Variants in BBOX1 observed in about 807,000 individuals in gnomAD.
BBOX1 encodes gamma-butyrobetaine hydroxylase 1.
Under a neutral mutation model 41.6 loss-of-function variants are expected in BBOX1, and 35 were observed. That is an observed-to-expected ratio of 0.84 (90% CI 0.64 to 1.11). The LOEUF is 1.11. Ranked by LOEUF, BBOX1 falls within the 50% of genes most tolerant of loss-of-function variation. BBOX1 has a pLI of 0.00. For missense variants in BBOX1, 458 were observed against 460.6 expected (o/e 0.99, Z 0.05); for synonymous variants, 163 against 154.7 (o/e 1.05, Z -0.40).
At chr11:27,114,161 A>G (rs1346957831) in intron 5 of BBOX1, among the ~76,000 whole-genome samples, 3 of 151,908 alleles carry the variant, frequency 2.0e-5, no homozygotes, top group Non-Finnish European at 2.9e-5. Flanking sequence ...CAGCATCCAG[A>G]AGAATAAAAT....
chr11:27,126,892 T>G (rs879637934), intron 8 of BBOX1, among the ~76,000 whole-genome samples: 1 of 152,044 alleles, frequency 6.6e-6, no homozygotes, highest in Non-Finnish European at 1.5e-5. Flanking sequence ...GCCAGGATGG[T>G]CTAGATCTGC....
chr11:27,124,697 CT>C (rs968408920), intron 7 of BBOX1, among the ~76,000 whole-genome samples: 4 of 152,010 alleles, frequency 2.6e-5, no homozygotes, highest in African/African-American at 9.7e-5. Flanking sequence ...TTTTTCTGTA[CT>C]TTTAATAGAG....
rs1554935077 is a variant in BBOX1, at chr11:27,054,234, T to TGC, written c.-38-1157_-38-1156dup. ...GTGTGTGTGTGTGTGTGTGTGTGTG[T>TGC]GCGTGCACATGTGTACATGCATTCC... On this transcript the variant is annotated intron_variant, in intron 2 of 8. Coordinates refer to ENST00000263182, the MANE Select transcript of BBOX1 (RefSeq NM_003986.3). 6.2e-4 allele frequency among the ~76,000 whole-genome samples: 92 copies of TGC among 148,302 alleles called. No individual in the cohort carries two copies. In the South Asian group the frequency reaches 8.1e-3, roughly 13 times the overall value.
At chr11:27,071,975 G>A (rs904853282) in intron 4 of BBOX1, among the ~76,000 whole-genome samples, 4 of 151,628 alleles carry the variant, frequency 2.6e-5, no homozygotes, top group Admixed American at 2.0e-4. Context: ...TACTGAATGG[G>A]CAAAAACTGG....
chr11:27,044,591 A>C (rs142010028), intron 2 of BBOX1, among the ~76,000 whole-genome samples: 27,164 of 152,080 alleles, frequency 0.18, 2,599 homozygotes, highest in Middle Eastern at 0.25. Context: ...TCTTTAATCC[A>C]TCTTTAGTTA....
At chr11:27,108,296 T>C (rs1174774703) in intron 5 of BBOX1, among the ~76,000 whole-genome samples, 1 of 152,100 alleles carries the variant, frequency 6.6e-6, no homozygotes, top group Non-Finnish European at 1.5e-5. Flanking sequence ...CAGTTTACCC[T>C]TGATCATAGA....
intron 8 of BBOX1, among the ~76,000 whole-genome samples, 170 bp downstream of exon 8, chr11:27,125,990 A>C (rs1859637368): frequency 6.6e-6 from 1 of 152,156 alleles, no homozygotes; most frequent in African/African-American, 2.4e-5. Context: ...GCCCTCATTG[A>C]GGTTTATGCT....
chr11:27,090,405 G>C (rs1359311798), intron 4 of BBOX1, among the ~76,000 whole-genome samples: 3 of 151,816 alleles, frequency 2.0e-5, no homozygotes, highest in African/African-American at 7.3e-5. Context: ...AAAAGGGTGG[G>C]GGTGTAAGAA....
At chr11:27,083,119 T>C (rs1857908193) in intron 4 of BBOX1, among the ~76,000 whole-genome samples, 1 of 152,150 alleles carries the variant, frequency 6.6e-6, no homozygotes, top group African/African-American at 2.4e-5. Flanking sequence ...TTTATGTATT[T>C]CTTCATCTTT....
chr11:27,083,373 G>A (rs1432112912), intron 4 of BBOX1, among the ~76,000 whole-genome samples: 1 of 152,088 alleles, frequency 6.6e-6, no homozygotes, highest in Non-Finnish European at 1.5e-5. Context: ...GGAAGAGACA[G>A]AGCCTTGCCT....
chr11:27,126,999 G>A (rs1002550062), intron 8 of BBOX1, among the ~76,000 whole-genome samples: 3 of 152,078 alleles, frequency 2.0e-5, no homozygotes, highest in African/African-American at 4.8e-5. Context: ...ATGAGGTATC[G>A]ATCAGTCAAA....
chr11:27,113,995 A>G (rs1487820314), intron 5 of BBOX1, among the ~76,000 whole-genome samples: 1 of 151,812 alleles, frequency 6.6e-6, no homozygotes, highest in African/African-American at 2.4e-5. Flanking sequence ...GATCTTACAT[A>G]TAATAAATCC....
chr11:27,053,693 C>T (rs1856884849), intron 2 of BBOX1, among the ~76,000 whole-genome samples: 1 of 152,060 alleles, frequency 6.6e-6, no homozygotes, highest in Non-Finnish European at 1.5e-5. Context: ...TTCAAATGTC[C>T]TACCCATTCC....
chr11:27,046,565 C>A (rs1290680834), intron 2 of BBOX1, among the ~76,000 whole-genome samples: 1 of 151,678 alleles, frequency 6.6e-6, no homozygotes, highest in Non-Finnish European at 1.5e-5. Flanking sequence ...CTACTGTTTC[C>A]CACCAAAACC....
chr11:27,055,682 C>T lies in BBOX1; in HGVS notation c.219+33C>T, dbSNP rs1482268514. 2.6e-6 allele frequency: 4 copies of T among 1,568,180 alleles called. No homozygotes were observed. In the Admixed American group the frequency reaches 5.1e-5, roughly 20 times the overall value. ...TCTCTAAATTATGTCTCCCTTCTTT[C>T]TCAAGTTCAATAATGGGGCTAGTCA... On this transcript the variant is annotated intron_variant, in intron 3 of 8. Coordinates refer to ENST00000263182, the MANE Select transcript of BBOX1 (RefSeq NM_003986.3).
intron 4 of BBOX1, among the ~76,000 whole-genome samples, chr11:27,058,781 GA>G (rs1425144597): frequency 1.3e-5 from 2 of 152,154 alleles, no homozygotes; most frequent in African/African-American, 4.8e-5. Context: ...AAGTGTTTAA[GA>G]AGTAACATGA....
At chr11:27,093,854 C>T (rs1213253261) in intron 5 of BBOX1, among the ~76,000 whole-genome samples, 1 of 151,856 alleles carries the variant, frequency 6.6e-6, no homozygotes, top group African/African-American at 2.4e-5. Flanking sequence ...GACACCAGTC[C>T]TATTAGCTTA....
At position 27,081,166 on chromosome 11, in the gene BBOX1, A is replaced by G. The variant is rs145811316; in HGVS notation, c.335-12002A>G. Among the ~76,000 whole-genome samples the G allele has an allele frequency of 1.4e-3, 216 of 152,288 alleles. 7 individuals are homozygous for G. In the East Asian group the frequency reaches 0.037, roughly 26 times the overall value. ...TTTATTCTCATCTCTATATGTGCTTAGTAAGTTCTTTTTCAATGAACTAGC... is the reference window on the plus strand; with the variant it reads ...TTTATTCTCATCTCTATATGTGCTTGGTAAGTTCTTTTTCAATGAACTAGC... On this transcript the variant is annotated intron_variant, in intron 4 of 8. Coordinates refer to ENST00000263182, the MANE Select transcript of BBOX1 (RefSeq NM_003986.3).
intron 2 of BBOX1, among the ~76,000 whole-genome samples, chr11:27,052,402 T>C (rs1286803592): frequency 1.3e-5 from 2 of 152,078 alleles, no homozygotes; most frequent in East Asian, 3.8e-4. Context: ...TCACCTTCAT[T>C]GTCAAATCTG....
Sources: gnomAD v4.1 joint callset for allele counts (sites outside exome capture counted in the v4.1 genomes callset) on GRCh38, gnomAD v4.1.1 for gene constraint, MANE v1.5 for transcripts, NCBI Gene and HGNC (gene_info 2026-07-23, HGNC 2026-07-21) for gene names.